The following ABCA3 variants were observed in gnomAD, a reference collection of about 807,000 sequenced individuals.
ABCA3 encodes the protein ATP binding cassette subfamily A member 3, also known as phospholipid-transporting ATPase ABCA3.
In ABCA3, 88 loss-of-function variants were observed where a neutral mutation model predicts 172.8. The observed-to-expected ratio is 0.51, with a 90% confidence interval of 0.43 to 0.61. ABCA3 has a LOEUF of 0.61. Ranked by LOEUF, ABCA3 falls within the 20% of genes least tolerant of loss-of-function variation. The pLI is 0.00. For missense variants in ABCA3, 2,164 were observed against 2,301.0 expected (o/e 0.94, Z 1.22); for synonymous variants, 1,066 against 983.8 (o/e 1.08, Z -1.56).
At chr16:2,304,709 T>C (rs1173300355) in intron 11 of ABCA3, among the ~76,000 whole-genome samples, 4 of 144,688 alleles carry the variant, frequency 2.8e-5, no homozygotes, top group East Asian at 2.4e-4. Context: ...GGAGTCTTGC[T>C]CTGTCTCCCA....
chr16:2,330,883 A>G (rs1201876014), intron 1 of ABCA3, among the ~76,000 whole-genome samples: 1 of 151,516 alleles, frequency 6.6e-6, no homozygotes, highest in African/African-American at 2.4e-5. Context: ...TGTATTTTTC[A>G]GTAGACACAG....
chr16:2,283,126 G>T lies in ABCA3; in HGVS notation c.4035+60C>A. The stretch of plus-strand genomic sequence containing the variant: ...GGTGGAGCTGCCCCAGGTTGTGCTG[G>T]GCCCAAGCAGAGACGTGGGGAGCAT... On this transcript the variant is annotated intron_variant, in intron 26 of 32. Coordinates refer to ENST00000301732, the MANE Select transcript of ABCA3 (RefSeq NM_001089.3). This position sits in a 1 kb window ranked among gnomAD's most constrained non-coding sequence, Gnocchi z 5.4. 1 of 1,549,150 alleles carries T rather than the reference G, an allele frequency of 6.5e-7. No individual in the cohort carries two copies.
At chr16:2,338,751 C>CTTTTTTTT (rs34719364) in intron 1 of ABCA3, among the ~76,000 whole-genome samples, 2 of 121,592 alleles carry the variant, frequency 1.6e-5, no homozygotes, top group Non-Finnish European at 3.3e-5. Flanking sequence ...TCCAATTCAT[C>CTTTTTTTT]TTTTTTTTTT....
chr16:2,332,421 G>T, intron 1 of ABCA3: 1 of 1,196,864 alleles, frequency 8.4e-7, no homozygotes, highest in Non-Finnish European at 1.2e-6. Context: ...ACAGGATGAG[G>T]ATGTCTTTGA....
rs779707514 is a variant in ABCA3, at chr16:2,284,330, G to T, written c.3811C>A (p.Arg1271=). The T allele has an allele frequency of 1.5e-5, 24 of 1,613,768 alleles. No homozygotes were observed. Among genetic ancestry groups the T allele is most frequent in the African/African-American group, 4.0e-5 (3 of 74,904 alleles). Residue 1271 remains arginine (R), a synonymous_variant, in exon 25 of 33, where the codon CGG becomes AGG. Transcript: ENST00000301732. The surrounding 1 kb of genome is among the most constrained non-coding windows in gnomAD (Gnocchi z 5.9). The stretch of plus-strand genomic sequence containing the variant: ...ACCTCGGAGGAGGTGCAGTACCTCC[G>T]CGTCTCGTAGTTCTCGTAGAAACTG... ...VSSFYENYET[R]RYCTSSEVAA... is the part of the protein sequence containing the mutation.
chr16:2,306,594 G>C (rs1016532969), intron 11 of ABCA3, among the ~76,000 whole-genome samples: 10 of 152,182 alleles, frequency 6.6e-5, no homozygotes, highest in Non-Finnish European at 1.3e-4. Flanking sequence ...GACCCCCAAT[G>C]CAGCAATGTT....
At chr16:2,336,393 T>C (rs1227269243) in intron 1 of ABCA3, among the ~76,000 whole-genome samples, 2 of 151,974 alleles carry the variant, frequency 1.3e-5, no homozygotes, top group Non-Finnish European at 2.9e-5. Context: ...TGTTAATGTG[T>C]AAATGCTGTT....
At position 2,299,887 on chromosome 16, in the gene ABCA3, G is replaced by A. The variant is rs555036092; in HGVS notation, c.1611+118C>T. The A allele has an allele frequency of 4.8e-6, 7 of 1,465,084 alleles. No individual in the cohort carries two copies. In the Admixed American group the frequency reaches 1.2e-4, roughly 25 times the overall value. The allele number at this position is 1,465,084 out of a possible 1,614,324, so 90.8% of individuals were successfully genotyped here. A position where few individuals can be genotyped will look rare whatever the true frequency, so the allele number is the denominator to read the frequency against. The stretch of plus-strand genomic sequence containing the variant: ...AGGGTTCCTGCCCTCCTTCAGGGCA[G>A]GAGGGAGCAAGGCTCAGAGGGAGCG... On this transcript the variant is annotated intron_variant, in intron 13 of 32. Transcript: ENST00000301732.
chr16:2,297,376 C>G lies in ABCA3; in HGVS notation c.2216G>C (p.Gly739Ala), dbSNP rs150175668. The G allele has an allele frequency of 1.3e-4, 210 of 1,613,234 alleles. 1 individual carries two copies. The African/African-American group carries it at 2.3e-3, about 18-fold the overall frequency. ...CGAGGACCCGCAGCACTGCAGCTCC[C>G]CCTTGGCCATGATGGCGATGCGGTC... ...LGDRIAIMAK[G>A]ELQCCGSSLF... Residue 739 changes from glycine (G) to alanine (A), a missense_variant, in exon 17 of 33, where the codon GGG (glycine) becomes GCG (alanine). Coordinates refer to ENST00000301732, the MANE Select transcript of ABCA3 (RefSeq NM_001089.3). The surrounding 1 kb of genome is among the most constrained non-coding windows in gnomAD (Gnocchi z 5.6).
Position 2,276,517 on chromosome 16 carries a change from C to T in ABCA3, c.*157G>A, listed in dbSNP as rs1428472357. 3.2e-6 allele frequency: 4 copies of T among 1,251,560 alleles called. No homozygotes were observed. The highest frequency in any genetic ancestry group is 4.4e-6 in the Non-Finnish European group (4 of 904,290). The allele number at this position is 1,251,560 out of a possible 1,614,324, so 77.5% of individuals were successfully genotyped here. On this transcript the variant is annotated 3_prime_UTR_variant, in exon 33 of 33. Transcript: ENST00000301732. Reference sequence around the variant, plus strand: ...TCCTGGGCATGAGGGCTGGGCTGCACTCGTCCATTCTGTGCATACTGCCTT... The same window carrying T: ...TCCTGGGCATGAGGGCTGGGCTGCATTCGTCCATTCTGTGCATACTGCCTT...
chr16:2,303,476 T>G (rs908066799), intron 12 of ABCA3, among the ~76,000 whole-genome samples: 3 of 151,610 alleles, frequency 2.0e-5, no homozygotes, highest in African/African-American at 7.3e-5. Flanking sequence ...TTCACCTTGT[T>G]AGCCAGGATG....
rs2093733486 is a variant in ABCA3 at position 2,325,932 on chromosome 16, T to G, written c.319+78A>C. The G allele has an allele frequency of 4.4e-6, 7 of 1,597,682 alleles. No homozygotes were observed. The Admixed American group carries it at 1.2e-4, about 27-fold the overall frequency. ...ACTCCTCACCCAGCTGCTTCGCACA[T>G]CCTGGGCTCGACCCCTGCCTGCCCA... On this transcript the variant is annotated intron_variant, in intron 5 of 32. Transcript: ENST00000301732.
intron 11 of ABCA3, among the ~76,000 whole-genome samples, chr16:2,308,019 G>A (rs323075): frequency 0.3 from 45,398 of 152,096 alleles, 6,958 homozygotes; most frequent in Admixed American, 0.41. Context: ...GCTTGAGGTC[G>A]AAAGTTTGAG....
chr16:2,289,961 T>TCACACACACACACA lies in ABCA3; in HGVS notation c.2514-355_2514-342dup, dbSNP rs3138606. ...ATTTTTTAATATTATGTGAATTACA[T>TCACACACACACACA]CACACACACACACACACACACACAC... is the stretch of plus-strand genomic sequence containing the variant. On this transcript the variant is annotated intron_variant, in intron 19 of 32. Transcript: ENST00000301732. Among the ~76,000 whole-genome samples, 914 of 138,286 alleles carry TCACACACACACACA rather than the reference T, an allele frequency of 6.6e-3. 5 individuals are homozygous for TCACACACACACACA. The highest frequency in any genetic ancestry group is 0.02 in the African/African-American group (726 of 35,732). The allele number at this position is 138,286 out of a possible 152,430, so 90.7% of individuals were successfully genotyped here. A position where few individuals can be genotyped will look rare whatever the true frequency, so the allele number is the denominator to read the frequency against.
At position 2,316,319 on chromosome 16, in the gene ABCA3, A is replaced by T. The variant is rs2093715452; in HGVS notation, c.1111+964T>A. 2.7e-5 allele frequency among the ~76,000 whole-genome samples: 4 copies of T among 145,606 alleles called. No individual in the cohort carries two copies. The South Asian group carries it at 8.7e-4, about 32-fold the overall frequency. On this transcript the variant is annotated intron_variant, in intron 10 of 32. Coordinates refer to ENST00000301732, the MANE Select transcript of ABCA3 (RefSeq NM_001089.3). ...ACAAGAGGCAGTCTCAAAAAAAAAA[A>T]AAAAGAAAAAAGAAAAGAAAAAAAG...
chr16:2,296,875 C>T (rs894386911), intron 17 of ABCA3, among the ~76,000 whole-genome samples: 12 of 152,174 alleles, frequency 7.9e-5, no homozygotes, highest in Admixed American at 3.3e-4. Flanking sequence ...ATGTGGGGGA[C>T]GCTGGCACAC....
rs2093652120 is a variant in ABCA3, at chr16:2,279,687, G to A, written c.4360-557C>T. The stretch of plus-strand genomic sequence containing the variant: ...GAGTGCCTGGGTTCTGTGGATTCCA[G>A]AGACTGGATTTCTTTTTCTTTACCT... On this transcript the variant is annotated intron_variant, in intron 28 of 32. Transcript: ENST00000301732. The surrounding 1 kb of genome is among the most constrained non-coding windows in gnomAD (Gnocchi z 4.4). Among the ~76,000 whole-genome samples the A allele has an allele frequency of 6.6e-6, 1 of 152,060 alleles. No homozygotes were observed. Among genetic ancestry groups the A allele is most frequent in the African/African-American group, 2.4e-5 (1 of 41,400 alleles).
At position 2,278,979 on chromosome 16, in the gene ABCA3, A is replaced by G. The variant is rs1317858966; in HGVS notation, c.4511T>C (p.Leu1504Pro). ...CVENTLRGLL[L>P]EPHANKLVRT... is the part of the protein sequence containing the mutation. ...GACCAGCTTGTTGGCATGTGGCTCCAGCAGCAGGCCCCGCAGAGTGTTCTC... is the reference window on the plus strand; with the variant it reads ...GACCAGCTTGTTGGCATGTGGCTCCGGCAGCAGGCCCCGCAGAGTGTTCTC... Residue 1504 changes from leucine (L) to proline (P), a missense_variant, in exon 29 of 33, where the codon CTG becomes CCG. Coordinates refer to ENST00000301732, the MANE Select transcript of ABCA3 (RefSeq NM_001089.3). The surrounding 1 kb of genome is among the most constrained non-coding windows in gnomAD (Gnocchi z 4.4). 6.2e-7 allele frequency: 1 copy of G among 1,613,584 alleles called. No individual in the cohort carries two copies. Among genetic ancestry groups the G allele is most frequent in the South Asian group, 1.1e-5 (1 of 91,082 alleles).
At chr16:2,291,960 C>T (rs1329692988) in intron 19 of ABCA3, among the ~76,000 whole-genome samples, 180 bp downstream of exon 19, 6 of 152,264 alleles carry the variant, frequency 3.9e-5, no homozygotes, top group African/African-American at 1.2e-4. Context: ...GTAATCCCAG[C>T]TACTCGGGAG....
Sources: gnomAD v4.1 joint callset for allele counts (sites outside exome capture counted in the v4.1 genomes callset) on GRCh38, gnomAD v4.1.1 for gene constraint, Gnocchi (gnomAD v3.1) non-coding constraint, MANE v1.5 for transcripts, NCBI Gene and HGNC (gene_info 2026-07-23, HGNC 2026-07-21) for gene names.